The following EYS variants were observed in gnomAD, a reference collection of about 807,000 sequenced individuals.
The protein encoded by EYS is EGF-like photoreceptor maintenance factor, also known as protein eyes shut homolog.
In EYS, 250 loss-of-function variants were observed where a neutral mutation model predicts 282.1. The ratio of observed to expected loss-of-function variants is 0.89; its 90% CI spans 0.80 to 0.98. The LOEUF (loss-of-function observed/expected upper bound fraction) is 0.98, where lower values mean the gene tolerates loss of function less well. EYS is among the 50% of genes least tolerant of loss of function. The pLI is 0.00. For missense variants in EYS, 4,016 were observed against 3,709.0 expected (o/e 1.08, Z -2.15); for synonymous variants, 1,355 against 1,282.9 (o/e 1.06, Z -1.20).
intron 12 of EYS, among the ~76,000 whole-genome samples, chr6:65,063,162 A>G (rs1207643141): frequency 6.6e-6 from 1 of 151,944 alleles, no homozygotes; most frequent in Admixed American, 6.6e-5. Flanking sequence ...TAATTTACAT[A>G]TTTTACAATT....
chr6:64,685,854 A>T (rs1770078550), intron 22 of EYS, among the ~76,000 whole-genome samples: 6 of 152,188 alleles, frequency 3.9e-5, no homozygotes, highest in African/African-American at 1.4e-4. Context: ...CTATCTTTTC[A>T]ACTACATTTG....
intron 28 of EYS, among the ~76,000 whole-genome samples, chr6:64,399,853 T>C (rs776202062): frequency 1.3e-5 from 2 of 151,934 alleles, no homozygotes; most frequent in African/African-American, 4.8e-5. Context: ...TGATGGAGTA[T>C]AAAATCTGAC....
intron 26 of EYS, among the ~76,000 whole-genome samples, chr6:64,565,145 A>G (rs190814397): frequency 2.0e-5 from 3 of 152,034 alleles, no homozygotes; most frequent in East Asian, 1.9e-4. Flanking sequence ...CTGTGCAGAA[A>G]CGTTTTAGTT....
At chr6:64,932,474 T>G (rs1057469347) in intron 15 of EYS, among the ~76,000 whole-genome samples, 1 of 152,184 alleles carries the variant, frequency 6.6e-6, no homozygotes, top group Middle Eastern at 3.4e-3. Flanking sequence ...TGAGGGCAAC[T>G]CTAGGTTGAT....
At chr6:64,545,928 T>C (rs916798614) in intron 26 of EYS, among the ~76,000 whole-genome samples, 8 of 152,022 alleles carry the variant, frequency 5.3e-5, no homozygotes, top group African/African-American at 1.9e-4. Flanking sequence ...ATCAATATCG[T>C]GAAAATGGCC....
intron 5 of EYS, among the ~76,000 whole-genome samples, chr6:65,429,996 A>C (rs1035304756): frequency 6.6e-6 from 1 of 152,174 alleles, no homozygotes; most frequent in East Asian, 1.9e-4. Context: ...TAGCATTATT[A>C]TTCCCATTAC....
intron 26 of EYS, among the ~76,000 whole-genome samples, chr6:64,474,267 C>T (rs1776202319): frequency 6.6e-6 from 1 of 152,080 alleles, no homozygotes; most frequent in Non-Finnish European, 1.5e-5. Context: ...ACTTGTTCAA[C>T]TAAGGCTAGC....
chr6:65,353,449 ATTTGT>A lies in EYS; in HGVS notation c.1459+4_1459+8del, dbSNP rs1764361416. ...AAGCAGATTGAAAAAAATTACATAA[ATTTGT>A]TACCTGCAAATCCCAATTGCCACAC... On this transcript the variant is annotated splice_donor_5th_base_variant and intron_variant, in intron 9 of 42. Coordinates refer to ENST00000503581, the MANE Select transcript of EYS (RefSeq NM_001142800.2). 2.5e-6 allele frequency: 4 copies of A among 1,612,434 alleles called. No homozygotes were observed. Among genetic ancestry groups the A allele is most frequent in the Non-Finnish European group, 3.4e-6 (4 of 1,178,904 alleles).
chr6:64,686,479 C>T (rs932241760), intron 22 of EYS, among the ~76,000 whole-genome samples: 8 of 151,366 alleles, frequency 5.3e-5, no homozygotes, highest in South Asian at 2.1e-4. Context: ...CGGTGGCTCA[C>T]GCGTGTTATC....
chr6:64,535,381 C>G (rs935719837), intron 26 of EYS, among the ~76,000 whole-genome samples: 4 of 152,000 alleles, frequency 2.6e-5, no homozygotes, highest in Admixed American at 6.6e-5. Context: ...AGTTGAAGAA[C>G]AGAATAACAT....
chr6:65,632,789 TAGA>T (rs1766960411), intron 2 of EYS, among the ~76,000 whole-genome samples: 1 of 152,140 alleles, frequency 6.6e-6, no homozygotes, highest in Non-Finnish European at 1.5e-5. Flanking sequence ...ATTGAAAAAC[TAGA>T]AGATTATCTT....
At chr6:64,345,881 A>T (rs953889344) in intron 29 of EYS, among the ~76,000 whole-genome samples, 2 of 152,180 alleles carry the variant, frequency 1.3e-5, no homozygotes, top group African/African-American at 2.4e-5. Context: ...CCTATCAAAA[A>T]GTGGGCGAAG....
chr6:64,457,794 T>C (rs564343478), intron 26 of EYS, among the ~76,000 whole-genome samples: 110 of 148,936 alleles, frequency 7.4e-4, no homozygotes, highest in Admixed American at 1.7e-3. Context: ...TCATTTTTTT[T>C]CCCCCCCATT....
chr6:63,933,614 G>A lies in EYS; in HGVS notation c.7055+50769C>T, dbSNP rs908391935. On this transcript the variant is annotated intron_variant, in intron 35 of 42. Transcript: ENST00000503581. ...CCCCTCTCCTCTTCCCAGAGGTCTG[G>A]GGTGGGGCTGAAAGTCCCAACCCTC... 3.3e-5 allele frequency among the ~76,000 whole-genome samples: 5 copies of A among 152,072 alleles called. No individual in the cohort carries two copies. In the South Asian group the frequency reaches 6.2e-4, roughly 19 times the overall value.
intron 33 of EYS, among the ~76,000 whole-genome samples, chr6:64,002,062 A>G (rs1403874102): frequency 1.3e-5 from 2 of 152,242 alleles, no homozygotes; most frequent in Non-Finnish European, 2.9e-5. Context: ...TAGCAGGCAC[A>G]CACAGAATCA....
intron 7 of EYS, among the ~76,000 whole-genome samples, chr6:65,400,928 C>G (rs1015961027): frequency 6.6e-6 from 1 of 151,858 alleles, no homozygotes; most frequent in African/African-American, 2.4e-5. Context: ...TAAGGCCAAG[C>G]TCATCTTGAC....
chr6:63,917,739 T>G (rs1764462160), intron 35 of EYS, among the ~76,000 whole-genome samples: 1 of 152,214 alleles, frequency 6.6e-6, no homozygotes, highest in Non-Finnish European at 1.5e-5. Flanking sequence ...GCTTTTATGA[T>G]GAGTCCAATT....
At chr6:64,754,695 A>G (rs1441806628) in intron 22 of EYS, among the ~76,000 whole-genome samples, 2 of 152,188 alleles carry the variant, frequency 1.3e-5, no homozygotes, top group South Asian at 4.1e-4. Context: ...CAAATAATAA[A>G]TGTGATTCAC....
chr6:64,983,486 C>T (rs766849919), intron 14 of EYS, among the ~76,000 whole-genome samples: 1 of 151,042 alleles, frequency 6.6e-6, no homozygotes, highest in Admixed American at 6.6e-5. Context: ...CCACACAAAA[C>T]TTATACTTTT....
Sources: gnomAD v4.1 joint callset for allele counts (sites outside exome capture counted in the v4.1 genomes callset) on GRCh38, gnomAD v4.1.1 for gene constraint, MANE v1.5 for transcripts, NCBI Gene and HGNC (gene_info 2026-07-23, HGNC 2026-07-21) for gene names.